The following SLAMF8 variants were observed in gnomAD, a reference collection of about 807,000 sequenced individuals.
The protein encoded by SLAMF8 is B lymphocyte activator macrophage expressed.
A neutral mutation model predicts 29.0 loss-of-function variants in SLAMF8; 23 were observed. The observed-to-expected ratio is 0.79, with a 90% CI of 0.57 to 1.13. The LOEUF (loss-of-function observed/expected upper bound fraction) is 1.13. Ranked by LOEUF, SLAMF8 falls within the 50% of genes most tolerant of loss-of-function variation. The pLI, the probability that SLAMF8 is intolerant of heterozygous loss-of-function variation, is 0.00. For missense variants in SLAMF8, 381 were observed against 353.1 expected (o/e 1.08, Z -0.63); for synonymous variants, 139 against 145.6 (o/e 0.96, Z 0.32).
rs1647857923 is a variant in SLAMF8 at position 159,835,480 on chromosome 1, T to G, written c.*220T>G. ...CCCTTCCCTCTCCCATCTTCTCATA[T>G]CCTGGCTCTTCTCTGGGCAAGATGA... On this transcript the variant is annotated 3_prime_UTR_variant, in exon 5 of 5. Transcript: ENST00000289707. 6.8e-6 allele frequency: 9 copies of G among 1,327,914 alleles called. No individual in the cohort carries two copies. The highest frequency in any genetic ancestry group is 7.7e-6 in the Non-Finnish European group (8 of 1,041,548). 82.3% of individuals were successfully genotyped at this position (1,327,914 alleles called of 1,614,324 possible).
Position 159,837,399 on chromosome 1 carries a change from G to A in SLAMF8, c.*2139G>A, listed in dbSNP as rs1045248166. The A allele has an allele frequency of 1.2e-6, 1 of 800,044 alleles. No homozygotes were observed. Among genetic ancestry groups the A allele is most frequent in the Non-Finnish European group, 1.5e-6 (1 of 660,684 alleles). The allele number at this position is 800,044 out of a possible 1,614,324, so 49.6% of individuals were successfully genotyped here. A position where few individuals can be genotyped will look rare whatever the true frequency, so the allele number is the denominator to read the frequency against. On this transcript the variant is annotated 3_prime_UTR_variant, in exon 5 of 5. Coordinates refer to ENST00000289707, the MANE Select transcript of SLAMF8 (RefSeq NM_020125.3). ...TGATTGAGGGCGCTGCATGTGCTGG[G>A]TACATTTCTTGGCACTTGGGAATCA...
rs753166834 is a variant in SLAMF8 at position 159,830,090 on chromosome 1, G to C, written c.265G>C (p.Glu89Gln). The C allele has an allele frequency of 6.2e-7, 1 of 1,614,120 alleles. No homozygotes were observed. Among genetic ancestry groups the C allele is most frequent in the African/African-American group, 1.3e-5 (1 of 74,942 alleles). The change falls in exon 2 of 5, where the codon GAG becomes CAG. Residue 89 changes from glutamate (E) to glutamine (Q), a missense_variant. Physicochemically the swap from Glu to Gln is conservative, Grantham distance 29 (BLOSUM62 2). Coordinates refer to ENST00000289707, the MANE Select transcript of SLAMF8 (RefSeq NM_020125.3). ...RAQLHSNLSL[E>Q]LGPLESGDSG... ...CCAGCTACACAGCAACCTCAGCCTG[G>C]AGCTCGGGCCGCTGGAGTCTGGAGA...
In SLAMF8 at chr1:159,836,185, T is replaced by C. The variant is rs1647919236; in HGVS notation, c.*925T>C. ...GAGAGTGAAGAACCATAAAACGCTA[T>C]GCAGAAGGAACATTATGGAGAGAAA... On this transcript the variant is annotated 3_prime_UTR_variant, in exon 5 of 5. Transcript: ENST00000289707. 1 of 985,420 alleles carries C rather than the reference T, an allele frequency of 1.0e-6. No homozygotes were observed. Among genetic ancestry groups the C allele is most frequent in the Non-Finnish European group, 1.2e-6 (1 of 829,924 alleles). 61.0% of individuals were successfully genotyped at this position (985,420 alleles called of 1,614,324 possible).
chr1:159,833,489 T>A, intron 4 of SLAMF8, 120 bp downstream of exon 4: 2 of 1,421,958 alleles, frequency 1.4e-6, no homozygotes, highest in Non-Finnish European at 1.9e-6. Flanking sequence ...CTCTCCCACC[T>A]CATCTCTTGG....
At chr1:159,828,623 C>T (rs551429481) in intron 1 of SLAMF8, among the ~76,000 whole-genome samples, 14 of 152,136 alleles carry the variant, frequency 9.2e-5, no homozygotes, top group Non-Finnish European at 1.5e-4. Flanking sequence ...TGGAAGCAAA[C>T]GATGGGGAGA....
rs748211205 is a variant in SLAMF8 at position 159,829,944 on chromosome 1, C to A, written c.119C>A (p.Pro40His). The change falls in exon 2 of 5, where the codon CCC becomes CAC. Residue 40 changes from proline (P) to histidine (H), a missense_variant. Transcript: ENST00000289707. ...GGSVLLVAAR[P>H]PGFQVREAIW... ...TCGGTGCTGCTGGTGGCAGCGCGTC[C>A]CCCTGGCTTCCAAGTCCGTGAGGCT... 2 of 1,614,260 alleles carry A rather than the reference C, an allele frequency of 1.2e-6. No homozygotes were observed. The highest frequency in any genetic ancestry group is 1.7e-6 in the Non-Finnish European group (2 of 1,180,048).
intron 4 of SLAMF8, 104 bp from the exon 5 acceptor site, chr1:159,835,080 G>A: frequency 9.7e-7 from 1 of 1,026,056 alleles, no homozygotes; most frequent in Non-Finnish European, 1.5e-6. Flanking sequence ...TACCTAAGGT[G>A]ACCTTGGGCT....
At chr1:159,829,766 A>C in intron 1 of SLAMF8, 100 bp from the exon 2 acceptor site, 1 of 1,286,666 alleles carries the variant, frequency 7.8e-7, no homozygotes, top group Non-Finnish European at 1.1e-6. Flanking sequence ...AGGGAATGTC[A>C]GTGGAGGGGC....
Position 159,837,015 on chromosome 1 carries a change from C to T in SLAMF8, c.*1755C>T. The stretch of plus-strand genomic sequence containing the variant: ...GTGGAAAGGAAAGCCCAGGATCTGA[C>T]AATGAGCCCTGGTGGATTTGTGGGG... On this transcript the variant is annotated 3_prime_UTR_variant, in exon 5 of 5. Transcript: ENST00000289707. The T allele has an allele frequency of 1.0e-6, 1 of 985,444 alleles. No individual in the cohort carries two copies. Among genetic ancestry groups the T allele is most frequent in the South Asian group, 4.7e-5 (1 of 21,282 alleles). 61.0% of individuals were successfully genotyped at this position (985,444 alleles called of 1,614,324 possible).
Position 159,835,236 on chromosome 1 carries a change from C to A in SLAMF8, c.834C>A (p.Asn278Lys). The part of the protein sequence containing the change: ...HADRVGPETE[N>K]PLVQDLP ...ACAGAGTGGGTCCAGAGACAGAGAACCCCCTTGTGCAGGATCTGCCATAAA... is the reference window on the plus strand; with the variant it reads ...ACAGAGTGGGTCCAGAGACAGAGAAACCCCTTGTGCAGGATCTGCCATAAA... The change falls in exon 5 of 5, where the codon AAC (asparagine) becomes AAA (lysine). Residue 278 changes from asparagine (N) to lysine (K), a missense_variant. Transcript: ENST00000289707. 6.2e-7 allele frequency: 1 copy of A among 1,614,000 alleles called. No homozygotes were observed. The highest frequency in any genetic ancestry group is 1.1e-5 in the South Asian group (1 of 91,078).
chr1:159,831,429 G>C (rs61823170), intron 2 of SLAMF8, among the ~76,000 whole-genome samples: 15,429 of 151,896 alleles, frequency 0.1, 1,050 homozygotes, highest in Non-Finnish European at 0.15. Context: ...CAAGCAGAGT[G>C]CTGGCTGGAT....
At chr1:159,827,283 T>C (rs2494519) in intron 1 of SLAMF8, among the ~76,000 whole-genome samples, 46,143 of 151,934 alleles carry the variant, frequency 0.3, 9,680 homozygotes, top group African/African-American at 0.59. Flanking sequence ...AGTGTTAGCA[T>C]GCAGAAACTC....
At position 159,835,518 on chromosome 1, in the gene SLAMF8, A is replaced by T. The variant is rs560279449; in HGVS notation, c.*258A>T. The T allele has an allele frequency of 2.8e-5, 35 of 1,268,276 alleles. No homozygotes were observed. Among genetic ancestry groups the T allele is most frequent in the Admixed American group, 1.2e-4 (3 of 25,552 alleles). 78.6% of individuals were successfully genotyped at this position (1,268,276 alleles called of 1,614,324 possible). A position where few individuals can be genotyped will look rare whatever the true frequency, so the allele number is the denominator to read the frequency against. ...CTGGGCAAGATGAGCCAAGCAGAAC[A>T]TTCCATCCAGGACACTGGAAGTTCT... On this transcript the variant is annotated 3_prime_UTR_variant, in exon 5 of 5. Coordinates refer to ENST00000289707, the MANE Select transcript of SLAMF8 (RefSeq NM_020125.3).
rs370913178 is a variant in SLAMF8, at chr1:159,835,489, T to C, written c.*229T>C. 7.6e-7 allele frequency: 1 copy of C among 1,309,112 alleles called. No homozygotes were observed. Among genetic ancestry groups the C allele is most frequent in the Non-Finnish European group, 9.7e-7 (1 of 1,030,646 alleles). 81.1% of individuals were successfully genotyped at this position (1,309,112 alleles called of 1,614,324 possible). A position where few individuals can be genotyped will look rare whatever the true frequency, so the allele number is the denominator to read the frequency against. Reference sequence around the variant, plus strand: ...CTCCCATCTTCTCATATCCTGGCTCTTCTCTGGGCAAGATGAGCCAAGCAG... The same window carrying C: ...CTCCCATCTTCTCATATCCTGGCTCCTCTCTGGGCAAGATGAGCCAAGCAG... On this transcript the variant is annotated 3_prime_UTR_variant, in exon 5 of 5. Coordinates refer to ENST00000289707, the MANE Select transcript of SLAMF8 (RefSeq NM_020125.3).
In SLAMF8 at chr1:159,833,138, C is replaced by T; in HGVS notation, c.630C>T (p.Asp210=). 6.2e-7 allele frequency: 1 copy of T among 1,614,188 alleles called. No individual in the cohort carries two copies. Among genetic ancestry groups the T allele is most frequent in the Non-Finnish European group, 8.5e-7 (1 of 1,180,034 alleles). ...SCIVSNPVSW[D]LATVTPWDSC... is the part of the protein sequence containing the mutation. ...TTGTCTCCAACCCTGTCAGCTGGGA[C>T]TTGGCCACAGTCACGCCCTGGGATA... The change falls in exon 3 of 5, where the codon GAC becomes GAT. Residue 210 remains aspartate (D), a synonymous_variant. Coordinates refer to ENST00000289707, the MANE Select transcript of SLAMF8 (RefSeq NM_020125.3).
rs1327942674 is a variant in SLAMF8 at position 159,830,117 on chromosome 1, AGCG to A, written c.295_297del (p.Gly99del). ...GCTCGGGCCGCTGGAGTCTGGAGAC[AGCG>A]GCAACTTCTCCGTGTTGATGGTGGA... is the stretch of plus-strand genomic sequence containing the variant. On this transcript the variant is annotated inframe_deletion, in exon 2 of 5. Coordinates refer to ENST00000289707, the MANE Select transcript of SLAMF8 (RefSeq NM_020125.3). 1.2e-6 allele frequency: 2 copies of A among 1,614,226 alleles called. No individual in the cohort carries two copies. Among genetic ancestry groups the A allele is most frequent in the Admixed American group, 3.3e-5 (2 of 60,034 alleles).
At position 159,836,164 on chromosome 1, in the gene SLAMF8, G is replaced by A. The variant is rs1158347728; in HGVS notation, c.*904G>A. On this transcript the variant is annotated 3_prime_UTR_variant, in exon 5 of 5. Transcript: ENST00000289707. ...AGTCTTCCTGCCTGAAACTGAGAGA[G>A]TGAAGAACCATAAAACGCTATGCAG... 1.0e-6 allele frequency: 1 copy of A among 985,220 alleles called. No homozygotes were observed. Among genetic ancestry groups the A allele is most frequent in the Non-Finnish European group, 1.2e-6 (1 of 829,832 alleles). The allele number at this position is 985,220 out of a possible 1,614,324, so 61.0% of individuals were successfully genotyped here.
In SLAMF8 at chr1:159,835,448, C is replaced by T. The variant is rs977018614; in HGVS notation, c.*188C>T. On this transcript the variant is annotated 3_prime_UTR_variant, in exon 5 of 5. Coordinates refer to ENST00000289707, the MANE Select transcript of SLAMF8 (RefSeq NM_020125.3). ...GGACAGGAAGCACCAGCACGTTTCA[C>T]ACCTCCCCCTTCCCTCTCCCATCTT... 1.7e-5 allele frequency: 23 copies of T among 1,374,416 alleles called. No homozygotes were observed. The highest frequency in any genetic ancestry group is 8.4e-6 in the Non-Finnish European group (9 of 1,067,156). 85.1% of individuals were successfully genotyped at this position (1,374,416 alleles called of 1,614,324 possible).
intron 4 of SLAMF8, 45 bp from the exon 5 acceptor site, chr1:159,835,139 C>T (rs1454452453): frequency 6.3e-7 from 1 of 1,590,536 alleles, no homozygotes; most frequent in East Asian, 2.2e-5. Context: ...GATTCCAAGA[C>T]TCCAAACACT....
Sources: allele counts gnomAD v4.1 joint callset (sites outside exome capture counted in the v4.1 genomes callset), GRCh38; gene constraint gnomAD v4.1.1; transcripts MANE v1.5; gene names NCBI Gene and HGNC (gene_info 2026-07-23, HGNC 2026-07-21).